Variants in RAD51B observed in about 807,000 individuals in gnomAD.
RAD51B encodes DNA repair protein RAD51 homolog 2.
RAD51B carries 38 observed loss-of-function variants against 42.2 expected under a neutral mutation model. The observed-to-expected ratio is 0.90, with a 90% CI of 0.70 to 1.18. RAD51B has a LOEUF of 1.18. Ranked by LOEUF, RAD51B falls within the 50% of genes most tolerant of loss-of-function variation. The pLI is 0.00. For missense variants in RAD51B, 373 were observed against 400.7 expected, an observed-to-expected ratio of 0.93 and a Z score of 0.59; for synonymous variants, 154 against 145.2, an observed-to-expected ratio of 1.06 and a Z score of -0.43.
rs181717770 is a variant in RAD51B, at chr14:67,826,319, G to A, written c.198+742G>A. The stretch of plus-strand genomic sequence containing the variant: ...GTAGTTGCTTATTGATTGAATAAAA[G>A]GTAATTAAAAATTTATCCTTTACTC... On this transcript the variant is annotated intron_variant, in intron 3 of 10. Transcript: ENST00000471583. Among the ~76,000 whole-genome samples the A allele has an allele frequency of 1.1e-4, 17 of 152,014 alleles. No individual in the cohort carries two copies. The East Asian group carries it at 2.9e-3, about 26-fold the overall frequency.
intron 10 of RAD51B, among the ~76,000 whole-genome samples, chr14:68,506,236 A>G (rs1885308994): frequency 6.6e-6 from 1 of 152,210 alleles, no homozygotes; most frequent in Non-Finnish European, 1.5e-5. Context: ...ACAGGATGAC[A>G]CATAAAGAAA....
At chr14:68,080,853 A>C (rs1052217722) in intron 7 of RAD51B, among the ~76,000 whole-genome samples, 36 of 152,340 alleles carry the variant, frequency 2.4e-4, no homozygotes, top group African/African-American at 8.4e-4. Flanking sequence ...ATAAACTATT[A>C]ACAGTTAAAT....
At chr14:68,577,954 C>A (rs1214601280) in intron 10 of RAD51B, among the ~76,000 whole-genome samples, 1 of 152,216 alleles carries the variant, frequency 6.6e-6, no homozygotes, top group East Asian at 1.9e-4. Flanking sequence ...CATGCTGGCC[C>A]CAGACTTGAG....
At chr14:67,876,418 C>T (rs1249050165) in intron 5 of RAD51B, among the ~76,000 whole-genome samples, 1 of 152,062 alleles carries the variant, frequency 6.6e-6, no homozygotes, top group African/African-American at 2.4e-5. Context: ...TAATTTTGTA[C>T]AGGGTTTTGC....
chr14:68,022,914 G>T (rs1465654690), intron 7 of RAD51B, among the ~76,000 whole-genome samples: 1 of 152,058 alleles, frequency 6.6e-6, no homozygotes, highest in African/African-American at 2.4e-5. Context: ...TTGGGTTTTT[G>T]TTTCTGCATT....
chr14:68,009,662 C>T (rs1463490953), intron 7 of RAD51B, among the ~76,000 whole-genome samples: 2 of 151,782 alleles, frequency 1.3e-5, no homozygotes, highest in African/African-American at 4.8e-5. Flanking sequence ...ATTTAGTTCC[C>T]TGCTCAAGCA....
In RAD51B at chr14:67,853,699, G is replaced by T. The variant is rs566544336; in HGVS notation, c.316-11304G>T. 2.6e-5 allele frequency among the ~76,000 whole-genome samples: 4 copies of T among 152,306 alleles called. No individual in the cohort carries two copies. In the East Asian group the frequency reaches 7.7e-4, roughly 29 times the overall value. Reference sequence around the variant, plus strand: ...CAACTGATTGAATGAACTTAGAGTGGATCTGGAGATTGAGAGAGTAAGAAT... The same window carrying T: ...CAACTGATTGAATGAACTTAGAGTGTATCTGGAGATTGAGAGAGTAAGAAT... On this transcript the variant is annotated intron_variant, in intron 4 of 10. Transcript: ENST00000471583.
chr14:67,847,188 G>A (rs2041645159), intron 4 of RAD51B, among the ~76,000 whole-genome samples: 1 of 152,090 alleles, frequency 6.6e-6, no homozygotes, highest in Non-Finnish European at 1.5e-5. Flanking sequence ...ATCTCAGAAT[G>A]TGCCAGTCTT....
At chr14:68,668,334 T>A (rs1893075808) in intron 11 of RAD51B, among the ~76,000 whole-genome samples, 1 of 152,220 alleles carries the variant, frequency 6.6e-6, no homozygotes, top group Non-Finnish European at 1.5e-5. Flanking sequence ...AGGACCTTCA[T>A]TAGGCTTCAG....
intron 10 of RAD51B, among the ~76,000 whole-genome samples, chr14:68,638,973 G>A (rs1387142071): frequency 2.0e-5 from 3 of 152,204 alleles, no homozygotes; most frequent in African/African-American, 7.2e-5. Context: ...GGTGCTTGGA[G>A]CCTGAGATAT....
At chr14:68,429,399 C>T (rs1346475415) in intron 9 of RAD51B, among the ~76,000 whole-genome samples, 1 of 152,218 alleles carries the variant, frequency 6.6e-6, no homozygotes, top group African/African-American at 2.4e-5. Flanking sequence ...TATTTCTCCA[C>T]ATCCTCTCCA....
At chr14:68,579,789 C>T (rs1890129013) in intron 10 of RAD51B, among the ~76,000 whole-genome samples, 1 of 152,212 alleles carries the variant, frequency 6.6e-6, no homozygotes, top group African/African-American at 2.4e-5. Flanking sequence ...GCTGGCTGCC[C>T]CACTGTCAGA....
At chr14:68,156,613 G>A (rs187007068) in intron 7 of RAD51B, among the ~76,000 whole-genome samples, 72 of 151,858 alleles carry the variant, frequency 4.7e-4, no homozygotes, top group African/African-American at 8.7e-4. Context: ...ATGTTTATTC[G>A]TATTTAACTT....
intron 5 of RAD51B, among the ~76,000 whole-genome samples, chr14:67,877,442 G>C (rs943472276): frequency 6.6e-6 from 1 of 152,138 alleles, no homozygotes; most frequent in African/African-American, 2.4e-5. Context: ...GATCCAAGTA[G>C]TGTTTTCATT....
chr14:68,269,796 T>C (rs1172259683), intron 7 of RAD51B, among the ~76,000 whole-genome samples: 2 of 152,190 alleles, frequency 1.3e-5, no homozygotes, highest in South Asian at 2.1e-4. Context: ...AGGGATTGAA[T>C]TGGAAGTTAT....
rs531471083 is a variant in RAD51B at position 68,309,819 on chromosome 14, G to C, written c.853+17839G>C. 1.5e-4 allele frequency among the ~76,000 whole-genome samples: 23 copies of C among 152,250 alleles called. 1 individual carries two copies. The highest frequency in any genetic ancestry group is 1.4e-3 in the Admixed American group (21 of 15,286). ...GAACCGCCACAGAGCCGCTGGTATT[G>C]GACCCTGGCAGAGCTGGTTCCTCTA... On this transcript the variant is annotated intron_variant, in intron 8 of 10. Transcript: ENST00000471583.
intron 4 of RAD51B, among the ~76,000 whole-genome samples, chr14:67,849,582 C>G: frequency 6.6e-6 from 1 of 152,088 alleles, no homozygotes; most frequent in Non-Finnish European, 1.5e-5. Context: ...TGCACCTGGC[C>G]TAAAATTGTT....
At chr14:68,462,140 T>C (rs1390433534) in intron 9 of RAD51B, among the ~76,000 whole-genome samples, 1 of 152,208 alleles carries the variant, frequency 6.6e-6, no homozygotes, top group African/African-American at 2.4e-5. Flanking sequence ...GTAGCAGTAT[T>C]TTAATAAGTG....
At chr14:68,017,622 A>G (rs1051355906) in intron 7 of RAD51B, among the ~76,000 whole-genome samples, 2 of 152,172 alleles carry the variant, frequency 1.3e-5, no homozygotes, top group East Asian at 3.8e-4. Flanking sequence ...ACAGTCTATC[A>G]TAGATTTTCA....
Sources: allele counts gnomAD v4.1 joint callset (sites outside exome capture counted in the v4.1 genomes callset), GRCh38; gene constraint gnomAD v4.1.1; transcripts MANE v1.5; gene names NCBI Gene and HGNC (gene_info 2026-07-23, HGNC 2026-07-21).